DPP10: variants seen among roughly 807,000 people sequenced by gnomAD.
DPP10 encodes the protein inactive dipeptidyl peptidase 10.
DPP10 carries 33 observed loss-of-function variants against 120.9 expected under a neutral mutation model. The observed-to-expected ratio is 0.27, with a 90% confidence interval of 0.21 to 0.37. DPP10 has a LOEUF of 0.37. Ranked by LOEUF, DPP10 falls within the 10% of genes least tolerant of loss-of-function variation. The pLI is 1.00. For synonymous variants in DPP10, 337 were observed against 326.1 expected, an observed-to-expected ratio of 1.03 and a Z score of -0.36; for missense variants, 816 against 942.8, an observed-to-expected ratio of 0.87 and a Z score of 1.76.
chr2:115,840,505 T>A (rs1690026691), intron 24 of DPP10, among the ~76,000 whole-genome samples: 2 of 151,546 alleles, frequency 1.3e-5, no homozygotes, highest in Admixed American at 1.3e-4. Flanking sequence ...TTATATTTTT[T>A]AATGGAGATG....
intron 1 of DPP10, among the ~76,000 whole-genome samples, chr2:114,653,027 A>AGAGAGTGTGTGTGT (rs1553476958): frequency 1.5e-5 from 2 of 135,774 alleles, no homozygotes; most frequent in African/African-American, 6.2e-5. Flanking sequence ...AGAGAGAGAG[A>AGAGAGTGTGTGTGT]GTGTGTGTGT....
chr2:115,315,249 G>T (rs1192099094), intron 2 of DPP10, among the ~76,000 whole-genome samples: 1 of 150,138 alleles, frequency 6.7e-6, no homozygotes, highest in South Asian at 2.1e-4. Flanking sequence ...TCATATGCCT[G>T]CACACACACA....
chr2:115,581,868 A>G (rs2082019797), intron 5 of DPP10, among the ~76,000 whole-genome samples: 1 of 152,114 alleles, frequency 6.6e-6, no homozygotes, highest in Admixed American at 6.5e-5. Context: ...ATACTTATAT[A>G]TGAAATATGC....
At chr2:114,730,681 C>T (rs1335321526) in intron 1 of DPP10, among the ~76,000 whole-genome samples, 1 of 152,122 alleles carries the variant, frequency 6.6e-6, no homozygotes, top group African/African-American at 2.4e-5. Context: ...GCAACCTCCA[C>T]CTCCTGGATT....
intron 1 of DPP10, among the ~76,000 whole-genome samples, chr2:115,027,477 C>A (rs1369725060): frequency 1.3e-5 from 2 of 152,086 alleles, no homozygotes; most frequent in East Asian, 1.9e-4. Context: ...ACTTATTTCA[C>A]CTGGCATGAA....
chr2:115,545,142 G>A (rs2079421207), intron 5 of DPP10, among the ~76,000 whole-genome samples: 1 of 151,982 alleles, frequency 6.6e-6, no homozygotes, highest in African/African-American at 2.4e-5. Flanking sequence ...ATAAAAGACT[G>A]TTGTTTAAAA....
chr2:115,336,602 TA>T (rs2063152536), intron 2 of DPP10, among the ~76,000 whole-genome samples: 1 of 89,412 alleles, frequency 1.1e-5, no homozygotes, highest in Non-Finnish European at 3.4e-5. Context: ...TCTCTCTCTA[TA>T]TATATATATA....
At chr2:115,835,069 G>T (rs1689325813) in intron 21 of DPP10, among the ~76,000 whole-genome samples, 2 of 151,856 alleles carry the variant, frequency 1.3e-5, no homozygotes, top group Non-Finnish European at 2.9e-5. Context: ...CCAGGGGGCG[G>T]AGCTTGAAGT....
rs573152722 is a variant in DPP10 at position 114,703,933 on chromosome 2, T to C, written c.60+261095T>C. ...ATGAAAGAAAGAACCCAGAAGTGGG[T>C]GATATGAGGAAATATATGCCCCAAA... On this transcript the variant is annotated intron_variant, in intron 1 of 25. Transcript: ENST00000410059. Among the ~76,000 whole-genome samples the C allele has an allele frequency of 4.6e-5, 7 of 152,106 alleles. No individual in the cohort carries two copies. The East Asian group carries it at 1.4e-3, about 30-fold the overall frequency.
chr2:114,671,638 T>A (rs1276741573), intron 1 of DPP10, among the ~76,000 whole-genome samples: 1 of 152,020 alleles, frequency 6.6e-6, no homozygotes, highest in African/African-American at 2.4e-5. Context: ...TTGGAACACA[T>A]CCCCCTTGGA....
intron 5 of DPP10, among the ~76,000 whole-genome samples, chr2:115,568,275 G>A (rs1400110980): frequency 2.6e-5 from 4 of 152,008 alleles, no homozygotes; most frequent in African/African-American, 9.7e-5. Context: ...ACGAGGTCAA[G>A]AGATTGAGAC....
At chr2:115,222,541 T>C (rs762508009) in intron 1 of DPP10, among the ~76,000 whole-genome samples, 45 of 152,136 alleles carry the variant, frequency 3.0e-4, no homozygotes, top group Non-Finnish European at 5.1e-4. Flanking sequence ...CTTCACCTTC[T>C]ACCATGATTG....
At chr2:115,319,028 T>C (rs2061934245) in intron 2 of DPP10, among the ~76,000 whole-genome samples, 1 of 152,144 alleles carries the variant, frequency 6.6e-6, no homozygotes, top group Admixed American at 6.6e-5. Flanking sequence ...ATTCATTGAG[T>C]AGTCTTAGCT....
At chr2:114,871,086 G>T (rs1322608208) in intron 1 of DPP10, among the ~76,000 whole-genome samples, 4 of 132,902 alleles carry the variant, frequency 3.0e-5, no homozygotes, top group African/African-American at 1.0e-4. Flanking sequence ...TTCTCCAGTT[G>T]TGGTCTTTGG....
chr2:114,757,412 A>G (rs775708039), intron 1 of DPP10, among the ~76,000 whole-genome samples: 7 of 150,984 alleles, frequency 4.6e-5, no homozygotes, highest in Non-Finnish European at 1.0e-4. Flanking sequence ...GAGAGAGGGA[A>G]GGAAGGAAGG....
At chr2:114,840,755 G>A (rs1024405405) in intron 1 of DPP10, among the ~76,000 whole-genome samples, 3 of 152,166 alleles carry the variant, frequency 2.0e-5, no homozygotes, top group East Asian at 1.9e-4. Context: ...TCTTTCTGTC[G>A]CTAATCCACA....
intron 5 of DPP10, among the ~76,000 whole-genome samples, chr2:115,549,932 A>G (rs1400749895): frequency 6.6e-6 from 1 of 152,116 alleles, no homozygotes; most frequent in Non-Finnish European, 1.5e-5. Context: ...CCCAACTGCA[A>G]TGCCCTTTTT....
At chr2:115,334,275 G>T (rs1461284141) in intron 2 of DPP10, among the ~76,000 whole-genome samples, 1 of 75,026 alleles carries the variant, frequency 1.3e-5, no homozygotes, top group Non-Finnish European at 2.9e-5. Flanking sequence ...TGCAACAAGA[G>T]ATTAGAAAGA....
At chr2:114,618,637 C>G (rs1463311991) in intron 1 of DPP10, among the ~76,000 whole-genome samples, 1 of 151,850 alleles carries the variant, frequency 6.6e-6, no homozygotes, top group Non-Finnish European at 1.5e-5. Context: ...AATAATAGTT[C>G]AGGTGGGGAT....
Sources: allele counts gnomAD v4.1 joint callset (sites outside exome capture counted in the v4.1 genomes callset), GRCh38; gene constraint gnomAD v4.1.1; transcripts MANE v1.5; gene names NCBI Gene and HGNC (gene_info 2026-07-23, HGNC 2026-07-21).